Variants in GRM7 observed in about 807,000 individuals in gnomAD.
GRM7 encodes metabotropic glutamate receptor 7.
In GRM7, 35 loss-of-function variants were observed where a neutral mutation model predicts 84.5. That is an observed-to-expected ratio of 0.41 (90% CI 0.32 to 0.55). The LOEUF (loss-of-function observed/expected upper bound fraction) is 0.55, where lower values mean the gene tolerates loss of function less well. Ranked by LOEUF, GRM7 falls within the 20% of genes least tolerant of loss-of-function variation. The pLI is 0.19. For missense variants in GRM7, 1,003 were observed against 1,194.6 expected, an observed-to-expected ratio of 0.84 and a Z score of 2.36; for synonymous variants, 487 against 455.1, an observed-to-expected ratio of 1.07 and a Z score of -0.89.
intron 9 of GRM7, among the ~76,000 whole-genome samples, chr3:7,698,319 TTGGGTTCTTCCCATGCACCAGCC>T (rs1559494632): frequency 6.6e-6 from 1 of 152,318 alleles, no homozygotes; most frequent in East Asian, 1.9e-4. Context: ...GTGGCACATA[TTGGGTTCTTCCCATGCACCAGCC>T]ACTATTCTGT....
At chr3:7,403,289 A>G (rs1477588725) in intron 4 of GRM7, 4 of 193,868 alleles carry the variant, frequency 2.1e-5, no homozygotes, top group African/African-American at 4.8e-5. Context: ...GATTATGATA[A>G]TTTGCTATAA....
chr3:7,087,540 G>T (rs1698502810), intron 1 of GRM7, among the ~76,000 whole-genome samples: 4 of 152,060 alleles, frequency 2.6e-5, no homozygotes, highest in Admixed American at 2.6e-4. Context: ...TGAAGGAAAA[G>T]AAAGACATAG....
chr3:6,886,838 T>A (rs1695714950), intron 1 of GRM7, among the ~76,000 whole-genome samples: 1 of 151,842 alleles, frequency 6.6e-6, no homozygotes, highest in Non-Finnish European at 1.5e-5. Context: ...CTAAGCACTT[T>A]GTATATATAA....
chr3:7,452,958 G>T, intron 6 of GRM7, 151 bp downstream of exon 6: 1 of 596,170 alleles, frequency 1.7e-6, no homozygotes. Context: ...GCATGAATGA[G>T]CAAATGAATG....
chr3:7,312,336 A>G (rs1475218682), intron 4 of GRM7, among the ~76,000 whole-genome samples: 1 of 152,086 alleles, frequency 6.6e-6, no homozygotes, highest in East Asian at 1.9e-4. Flanking sequence ...TGGCAGTGCT[A>G]CTGTGGCCAG....
intron 4 of GRM7, among the ~76,000 whole-genome samples, chr3:7,328,912 G>T (rs1376231104): frequency 1.3e-5 from 2 of 152,034 alleles, no homozygotes; most frequent in African/African-American, 4.8e-5. Flanking sequence ...ATTTCAGTAT[G>T]TCTACCTTCC....
chr3:7,018,364 A>G (rs1695650490), intron 1 of GRM7, among the ~76,000 whole-genome samples: 2 of 152,266 alleles, frequency 1.3e-5, no homozygotes, highest in Admixed American at 1.3e-4. Flanking sequence ...GAGATGTGTT[A>G]TCACACTGTC....
At chr3:7,080,968 A>G (rs1698256883) in intron 1 of GRM7, among the ~76,000 whole-genome samples, 1 of 152,060 alleles carries the variant, frequency 6.6e-6, no homozygotes, top group Non-Finnish European at 1.5e-5. Context: ...CTTCAGCTAC[A>G]CAGTCATAAA....
chr3:7,300,573 T>A (rs1220383888), intron 3 of GRM7, among the ~76,000 whole-genome samples: 1 of 152,126 alleles, frequency 6.6e-6, no homozygotes, highest in Non-Finnish European at 1.5e-5. Context: ...TCTAGTCTTA[T>A]TCTATTCCAA....
intron 2 of GRM7, among the ~76,000 whole-genome samples, chr3:7,229,014 ATAT>A (rs1559513970): frequency 6.6e-6 from 1 of 152,210 alleles, no homozygotes; most frequent in African/African-American, 2.4e-5. Flanking sequence ...TCAAAACCTC[ATAT>A]TATCACAAAG....
chr3:7,165,939 A>T (rs1313248820), intron 2 of GRM7, among the ~76,000 whole-genome samples: 1 of 152,182 alleles, frequency 6.6e-6, no homozygotes, highest in Non-Finnish European at 1.5e-5. Context: ...TTAAATTCTC[A>T]AGTACTTCGA....
chr3:7,382,057 A>T (rs1328764919), intron 4 of GRM7, among the ~76,000 whole-genome samples: 5 of 152,314 alleles, frequency 3.3e-5, no homozygotes, highest in South Asian at 2.1e-4. Flanking sequence ...GATAAAAAAA[A>T]CCAACAGCCA....
At chr3:7,705,973 A>T (rs548613105) in intron 9 of GRM7, among the ~76,000 whole-genome samples, 1 of 152,194 alleles carries the variant, frequency 6.6e-6, no homozygotes, top group Non-Finnish European at 1.5e-5. Context: ...TGAGGTATCA[A>T]TGTTGGCTTT....
At chr3:7,296,510 ATCTT>A (rs1331351257) in intron 2 of GRM7, among the ~76,000 whole-genome samples, 2 of 152,040 alleles carry the variant, frequency 1.3e-5, no homozygotes, top group Non-Finnish European at 2.9e-5. Flanking sequence ...CTGAGCCTGA[ATCTT>A]TATTTTCTGA....
intron 2 of GRM7, among the ~76,000 whole-genome samples, chr3:7,253,240 A>C (rs1006694653): frequency 6.6e-6 from 1 of 152,106 alleles, no homozygotes; most frequent in Non-Finnish European, 1.5e-5. Flanking sequence ...TCTCTTCCTT[A>C]TACCCTCTCC....
intron 4 of GRM7, among the ~76,000 whole-genome samples, chr3:7,412,948 C>G (rs943201804): frequency 6.6e-6 from 1 of 151,804 alleles, no homozygotes; most frequent in South Asian, 2.1e-4. Context: ...CTTCTTGGCT[C>G]TAGTAGAAAG....
At chr3:7,045,142 A>G (rs1402236647) in intron 1 of GRM7, among the ~76,000 whole-genome samples, 2 of 152,164 alleles carry the variant, frequency 1.3e-5, no homozygotes, top group Non-Finnish European at 2.9e-5. Flanking sequence ...GTTGAATTTC[A>G]TAAGTTGACG....
At chr3:7,351,625 G>A (rs879488404) in intron 4 of GRM7, among the ~76,000 whole-genome samples, 2 of 152,078 alleles carry the variant, frequency 1.3e-5, no homozygotes, top group Admixed American at 1.3e-4. Flanking sequence ...CCTATGGGCT[G>A]TGGATATGGC....
chr3:7,359,220 T>TGTGTGTGTGTGTGTGTGTGTG (rs1693552341), intron 4 of GRM7, among the ~76,000 whole-genome samples: 1 of 133,176 alleles, frequency 7.5e-6, no homozygotes, highest in African/African-American at 3.0e-5. Context: ...GTGTTTGTGT[T>TGTGTGTGTGTGTGTGTGTGTG]TGTGTGTGTG....
Sources: allele counts gnomAD v4.1 joint callset (sites outside exome capture counted in the v4.1 genomes callset), GRCh38; gene constraint gnomAD v4.1.1; transcripts MANE v1.5; gene names NCBI Gene and HGNC (gene_info 2026-07-23, HGNC 2026-07-21).